The following UBASH3A variants were observed in gnomAD, a reference collection of about 807,000 sequenced individuals.
UBASH3A encodes ubiquitin-associated and SH3 domain-containing protein A.
In UBASH3A, 63 loss-of-function variants were observed where a neutral mutation model predicts 73.5. The observed-to-expected ratio is 0.86, with a 90% confidence interval of 0.70 to 1.06. The LOEUF is 1.06. Among genes scored for constraint, UBASH3A ranks in the 50% least tolerant of loss-of-function variants. UBASH3A has a pLI of 0.00. For missense variants in UBASH3A, 860 were observed against 859.0 expected, an observed-to-expected ratio of 1.00 and a Z score of -0.02; for synonymous variants, 363 against 351.1, an observed-to-expected ratio of 1.03 and a Z score of -0.38.
At chr21:42,426,917 G>C in intron 8 of UBASH3A, 97 bp downstream of exon 8, 1 of 1,466,500 alleles carries the variant, frequency 6.8e-7, no homozygotes, top group South Asian at 1.3e-5. Context: ...TGTAGCTTTT[G>C]TTCCATAGAC....
chr21:42,432,054 G>C, intron 8 of UBASH3A, 49 bp from the exon 9 acceptor site: 1 of 1,197,842 alleles, frequency 8.3e-7, no homozygotes, highest in Non-Finnish European at 1.2e-6. Context: ...CAAGTCCAGT[G>C]AGTTGGATGT....
intron 6 of UBASH3A, among the ~76,000 whole-genome samples, chr21:42,417,878 C>CTTTT (rs796939696): frequency 5.8e-4 from 53 of 90,604 alleles, no homozygotes; most frequent in East Asian, 1.7e-3. Flanking sequence ...TTCTTTTTTT[C>CTTTT]TTTTTTTTTT....
rs148083130 is a variant in UBASH3A at position 42,407,281 on chromosome 21, G to A, written c.167+920G>A. ...AAACCAGGTCCTGGGAGGCTGGAGTGTCCTCTCCAAAGCAGGAGGGCAGAT... is the reference window on the plus strand; with the variant it reads ...AAACCAGGTCCTGGGAGGCTGGAGTATCCTCTCCAAAGCAGGAGGGCAGAT... On this transcript the variant is annotated intron_variant, in intron 2 of 14. Transcript: ENST00000319294. Among the ~76,000 whole-genome samples the A allele has an allele frequency of 2.0e-3, 302 of 152,308 alleles. 2 individuals are homozygous for A. The highest frequency in any genetic ancestry group is 6.8e-3 in the African/African-American group (282 of 41,552).
intron 12 of UBASH3A, chr21:42,443,091 A>T: frequency 7.5e-7 from 1 of 1,337,932 alleles, no homozygotes; most frequent in Non-Finnish European, 9.6e-7. Flanking sequence ...CTCTGCCATC[A>T]CAGAGCCCTC....
intron 11 of UBASH3A, among the ~76,000 whole-genome samples, chr21:42,438,429 T>C (rs1356089976): frequency 2.0e-5 from 3 of 152,122 alleles, no homozygotes; most frequent in African/African-American, 7.2e-5. Context: ...GGACATGGGC[T>C]GGGAGATGCA....
chr21:42,427,630 GCA>G (rs1204354962), intron 8 of UBASH3A, among the ~76,000 whole-genome samples: 1 of 152,240 alleles, frequency 6.6e-6, no homozygotes, highest in Non-Finnish European at 1.5e-5. Flanking sequence ...TTGTCGGAGA[GCA>G]CACAGACTCC....
At chr21:42,435,064 G>C in intron 10 of UBASH3A, 110 bp downstream of exon 10, 1 of 1,387,244 alleles carries the variant, frequency 7.2e-7, no homozygotes, top group Non-Finnish European at 9.8e-7. Flanking sequence ...TACAGTGTTA[G>C]CTTTGTCTCC....
At chr21:42,427,055 C>T (rs1255616282) in intron 8 of UBASH3A, among the ~76,000 whole-genome samples, 2 of 152,164 alleles carry the variant, frequency 1.3e-5, no homozygotes. Flanking sequence ...AGTGCCCCAC[C>T]TTGAGCTCCT....
intron 13 of UBASH3A, among the ~76,000 whole-genome samples, chr21:42,444,221 G>A (rs569455986): frequency 6.6e-5 from 10 of 152,316 alleles, no homozygotes; most frequent in South Asian, 2.1e-4. Context: ...TGGCTTGGGC[G>A]TCAGCCACCG....
intron 6 of UBASH3A, among the ~76,000 whole-genome samples, chr21:42,417,874 T>C (rs537972983): frequency 9.6e-5 from 13 of 135,244 alleles, no homozygotes; most frequent in African/African-American, 3.7e-4. Context: ...TTTTTTCTTT[T>C]TTTCTTTTTT....
intron 7 of UBASH3A, among the ~76,000 whole-genome samples, chr21:42,419,774 A>G (rs1035047125): frequency 2.2e-4 from 34 of 152,348 alleles, no homozygotes; most frequent in African/African-American, 7.9e-4. Context: ...ACTGTACTTC[A>G]AGTGCCCATA....
At chr21:42,419,134 GGCTTCACA>G (rs1427990273) in intron 7 of UBASH3A, among the ~76,000 whole-genome samples, 1 of 152,210 alleles carries the variant, frequency 6.6e-6, no homozygotes, top group African/African-American at 2.4e-5. Flanking sequence ...TCCCCACTGA[GGCTTCACA>G]CCCTCGCCTG....
At position 42,418,472 on chromosome 21, in the gene UBASH3A, CT is replaced by C. The variant is rs2053267377; in HGVS notation, c.912del (p.Phe304LeufsTer15). The C allele has an allele frequency of 6.2e-7, 1 of 1,614,144 alleles. No homozygotes were observed. The highest frequency in any genetic ancestry group is 1.3e-5 in the African/African-American group (1 of 74,960). The part of the protein sequence containing the change: ...ELTLSPGDYI[F>X]VDPTQQDEAS... ...TGACGCTAAGTCCTGGTGACTACATCTTTGTGGACCCCACGCAGCAGGACGA... is the reference window on the plus strand; with the variant it reads ...TGACGCTAAGTCCTGGTGACTACATCTTGTGGACCCCACGCAGCAGGACGA... On this transcript the variant is annotated frameshift_variant, in exon 7 of 15. Transcript: ENST00000319294. LOFTEE classifies it high-confidence loss of function.
chr21:42,432,929 A>G (rs966444591), intron 9 of UBASH3A, among the ~76,000 whole-genome samples: 1 of 152,240 alleles, frequency 6.6e-6, no homozygotes, highest in African/African-American at 2.4e-5. Context: ...CAATAAGACA[A>G]TAGGTGGCTA....
In UBASH3A at chr21:42,443,175, C is replaced by T. The variant is rs148020606; in HGVS notation, c.1632-137C>T. ...CCAGTTTTCAGCACAAAACTGGAGCCTGCCTGTTGACCATGAGCCTGCCTT... is the reference window on the plus strand; with the variant it reads ...CCAGTTTTCAGCACAAAACTGGAGCTTGCCTGTTGACCATGAGCCTGCCTT... On this transcript the variant is annotated intron_variant, in intron 12 of 14. Transcript: ENST00000319294. 6.5e-5 allele frequency: 91 copies of T among 1,405,226 alleles called. No individual in the cohort carries two copies. The African/African-American group carries it at 1.3e-3, about 20-fold the overall frequency. 87.0% of individuals were successfully genotyped at this position (1,405,226 alleles called of 1,614,324 possible).
intron 11 of UBASH3A, among the ~76,000 whole-genome samples, chr21:42,441,770 T>G (rs907112109): frequency 2.0e-5 from 3 of 152,190 alleles, no homozygotes; most frequent in Non-Finnish European, 4.4e-5. Context: ...AAGAGCTCCT[T>G]CCATGGACCT....
chr21:42,435,976 TAG>T (rs1451970792), intron 10 of UBASH3A, among the ~76,000 whole-genome samples: 1 of 151,666 alleles, frequency 6.6e-6, no homozygotes, highest in Admixed American at 6.6e-5. Context: ...CATAGAATTA[TAG>T]AGTTAGTTAT....
intron 11 of UBASH3A, among the ~76,000 whole-genome samples, chr21:42,439,712 C>T (rs540083604): frequency 7.0e-6 from 1 of 143,274 alleles, no homozygotes; most frequent in East Asian, 2.1e-4. Context: ...CACACACACA[C>T]CATGCACACC....
intron 2 of UBASH3A, among the ~76,000 whole-genome samples, chr21:42,407,142 C>G (rs1263404149): frequency 2.0e-5 from 3 of 152,136 alleles, no homozygotes; most frequent in Non-Finnish European, 2.9e-5. Flanking sequence ...GTTCTCTGCT[C>G]TGGGGATGGA....
Sources: gnomAD v4.1 joint callset for allele counts (sites outside exome capture counted in the v4.1 genomes callset) on GRCh38, gnomAD v4.1.1 for gene constraint, MANE v1.5 for transcripts, NCBI Gene and HGNC (gene_info 2026-07-23, HGNC 2026-07-21) for gene names.